The following BAZ2B variants were observed in gnomAD, a reference collection of about 807,000 sequenced individuals.
BAZ2B encodes bromodomain adjacent to zinc finger domain 2B.
Under a neutral mutation model 246.0 loss-of-function variants are expected in BAZ2B, and 91 were observed. The ratio of observed to expected loss-of-function variants is 0.37; its 90% CI spans 0.31 to 0.44. The LOEUF is 0.44. Ranked by LOEUF, BAZ2B falls within the 20% of genes least tolerant of loss-of-function variation. BAZ2B has a pLI of 1.00. For missense variants in BAZ2B, 2,332 were observed against 2,533.7 expected, an observed-to-expected ratio of 0.92 and a Z score of 1.71; for synonymous variants, 855 against 860.0, an observed-to-expected ratio of 0.99 and a Z score of 0.10.
chr2:159,591,895 G>A (rs1303228254), intron 1 of BAZ2B, among the ~76,000 whole-genome samples: 1 of 152,100 alleles, frequency 6.6e-6, no homozygotes, highest in Non-Finnish European at 1.5e-5. Flanking sequence ...TTTAAGCTAA[G>A]CAAAGCAGCT....
At chr2:159,528,456 T>C (rs1231109471) in intron 2 of BAZ2B, among the ~76,000 whole-genome samples, 1 of 151,854 alleles carries the variant, frequency 6.6e-6, no homozygotes, top group Non-Finnish European at 1.5e-5. Context: ...GCCAAGGCGG[T>C]TGGATCACCT....
intron 2 of BAZ2B, among the ~76,000 whole-genome samples, chr2:159,486,701 T>C (rs1216737161): frequency 2.6e-5 from 4 of 151,740 alleles, no homozygotes; most frequent in Admixed American, 6.6e-5. Flanking sequence ...CCTAGAAATA[T>C]ACTCAAACAC....
chr2:159,555,090 A>ATT (rs72324855), intron 2 of BAZ2B, among the ~76,000 whole-genome samples: 1 of 93,826 alleles, frequency 1.1e-5, no homozygotes. Context: ...GTGTGTGTGT[A>ATT]TTTTTTTTTT....
At chr2:159,457,021 GTAATGC>G (rs924122505) in intron 3 of BAZ2B, among the ~76,000 whole-genome samples, 5 of 152,072 alleles carry the variant, frequency 3.3e-5, no homozygotes, top group Non-Finnish European at 7.4e-5. Flanking sequence ...AAAAAGTTCT[GTAATGC>G]TATATATATA....
At chr2:159,564,133 A>G (rs556019625) in intron 1 of BAZ2B, among the ~76,000 whole-genome samples, 26 of 152,218 alleles carry the variant, frequency 1.7e-4, no homozygotes, top group Non-Finnish European at 3.2e-4. Context: ...GACAGCAAGG[A>G]GGTATCTCTG....
intron 13 of BAZ2B, among the ~76,000 whole-genome samples, chr2:159,415,750 C>T (rs1042046801): frequency 6.6e-6 from 1 of 152,120 alleles, no homozygotes; most frequent in Non-Finnish European, 1.5e-5. Flanking sequence ...TACGTTATAA[C>T]ATGATTTGCC....
chr2:159,402,446 T>C (rs1344324557), intron 16 of BAZ2B, among the ~76,000 whole-genome samples: 2 of 151,894 alleles, frequency 1.3e-5, no homozygotes, highest in African/African-American at 4.8e-5. Flanking sequence ...GGAGACTCTG[T>C]CTAAAAAACA....
chr2:159,505,565 C>T (rs1464118210), intron 2 of BAZ2B, among the ~76,000 whole-genome samples: 1 of 151,876 alleles, frequency 6.6e-6, no homozygotes, highest in African/African-American at 2.4e-5. Context: ...GTCTTGTTGG[C>T]CCAGTACTTA....
chr2:159,662,251 T>C, the BAZ2B span, among the ~76,000 whole-genome samples: 3 of 152,228 alleles, frequency 2.0e-5, no homozygotes, highest in African/African-American at 7.2e-5. Context: ...GATGGACATT[T>C]AGTTCTTTCC....
At chr2:159,663,855 CTTTTTTTTTTT>C in the BAZ2B span, among the ~76,000 whole-genome samples, 91 of 92,490 alleles carry the variant, frequency 9.8e-4, 1 homozygote, top group African/African-American at 3.1e-3. Flanking sequence ...AAACCATTTT[CTTTTTTTTTTT>C]TTTTTTTTTT....
the BAZ2B span, among the ~76,000 whole-genome samples, chr2:159,629,276 A>G: frequency 6.6e-6 from 1 of 152,322 alleles, no homozygotes; most frequent in South Asian, 2.1e-4. Context: ...CAATTCCTCA[A>G]GGATCTAGAA....
At chr2:159,669,125 C>T in the BAZ2B span, among the ~76,000 whole-genome samples, 1 of 152,108 alleles carries the variant, frequency 6.6e-6, no homozygotes, top group Non-Finnish European at 1.5e-5. Flanking sequence ...GCTTTATCTA[C>T]ATTCCTCAAG....
chr2:159,425,624 C>T (rs773463780), intron 13 of BAZ2B, among the ~76,000 whole-genome samples: 36 of 152,122 alleles, frequency 2.4e-4, no homozygotes, highest in Non-Finnish European at 4.4e-4. Flanking sequence ...CTTTTAATAT[C>T]CAGTTTTTTA....
rs150540363 is a variant in BAZ2B at position 159,357,009 on chromosome 2, A to G, written c.4214-6652T>C. Among the ~76,000 whole-genome samples the G allele has an allele frequency of 5.1e-3, 778 of 152,312 alleles. 15 individuals are homozygous for G. Among genetic ancestry groups the G allele is most frequent in the African/African-American group, 0.018 (739 of 41,572 alleles). The stretch of plus-strand genomic sequence containing the variant: ...AGACCAAAGGTAGATAAATCCATGA[A>G]GATGAAGAAAAACGAACGCAAAAAG... On this transcript the variant is annotated intron_variant, in intron 27 of 36. Coordinates refer to ENST00000392783, the MANE Select transcript of BAZ2B (RefSeq NM_013450.4).
chr2:159,691,844 T>C, the BAZ2B span, among the ~76,000 whole-genome samples: 1 of 152,196 alleles, frequency 6.6e-6, no homozygotes, highest in Non-Finnish European at 1.5e-5. Context: ...ATAAGTATCA[T>C]AAGGACTTTT....
chr2:159,426,012 T>G (rs1168128881), intron 13 of BAZ2B, among the ~76,000 whole-genome samples: 1 of 152,224 alleles, frequency 6.6e-6, no homozygotes, highest in Non-Finnish European at 1.5e-5. Flanking sequence ...CCTGAATTCC[T>G]GTGTACTAAT....
intron 2 of BAZ2B, among the ~76,000 whole-genome samples, chr2:159,535,679 TGA>T (rs1392453489): frequency 3.3e-5 from 5 of 152,246 alleles, no homozygotes; most frequent in Non-Finnish European, 5.9e-5. Context: ...AGAAATGTTC[TGA>T]GTGTTACCTA....
At chr2:159,412,726 T>C (rs562075662) in intron 13 of BAZ2B, among the ~76,000 whole-genome samples, 181 bp from the exon 14 acceptor site, 4 of 152,236 alleles carry the variant, frequency 2.6e-5, no homozygotes, top group African/African-American at 4.8e-5. Flanking sequence ...GCCTTTGGCA[T>C]AGCTTTAATA....
At chr2:159,618,579 T>C (rs948443685), upstream of BAZ2B, among the ~76,000 whole-genome samples, 2 of 152,126 alleles carry the variant, frequency 1.3e-5, no homozygotes, top group African/African-American at 4.8e-5. Context: ...AGTTAATGCA[T>C]TGTTCTATAA....
Sources: allele counts gnomAD v4.1 joint callset (sites outside exome capture counted in the v4.1 genomes callset), GRCh38; gene constraint gnomAD v4.1.1; transcripts MANE v1.5; gene names NCBI Gene and HGNC (gene_info 2026-07-23, HGNC 2026-07-21).